HS1BP3: variants seen among roughly 807,000 people sequenced by gnomAD.
The protein encoded by HS1BP3 is HCLS1-binding protein 3.
Under a neutral mutation model 33.5 loss-of-function variants are expected in HS1BP3, and 32 were observed. The ratio of observed to expected loss-of-function variants is 0.95; its 90% confidence interval spans 0.72 to 1.28. HS1BP3 has a LOEUF of 1.28. HS1BP3 is among the 50% of genes most tolerant of loss of function. The pLI is 0.00. For synonymous variants in HS1BP3, 187 were observed against 209.2 expected, an observed-to-expected ratio of 0.89 and a Z score of 0.92; for missense variants, 486 against 502.3, an observed-to-expected ratio of 0.97 and a Z score of 0.31.
At chr2:20,612,991 C>A (rs1357269596), downstream of HS1BP3, among the ~76,000 whole-genome samples, 1 of 152,136 alleles carries the variant, frequency 6.6e-6, no homozygotes, top group Admixed American at 6.5e-5. Context: ...TACAAGCAGA[C>A]AGAGCCCAAT....
At chr2:20,624,667 C>G in intron 5 of HS1BP3, 65 bp downstream of exon 5, 2 of 1,490,460 alleles carry the variant, frequency 1.3e-6, no homozygotes, top group Non-Finnish European at 1.8e-6. Context: ...TGAGTCCAGA[C>G]CCTGCCTGGT....
intron 3 of HS1BP3, among the ~76,000 whole-genome samples, chr2:20,594,180 G>A (rs74990805): frequency 1.1e-3 from 174 of 152,374 alleles, no homozygotes; most frequent in Non-Finnish European, 2.2e-3. Context: ...TTCAATCCAG[G>A]CTTAACAGGA....
chr2:20,648,143 T>C (rs565470139), intron 1 of HS1BP3, among the ~76,000 whole-genome samples: 1 of 152,274 alleles, frequency 6.6e-6, no homozygotes, highest in East Asian at 1.9e-4. Flanking sequence ...TTTCGCACCA[T>C]CGATTTTCCT....
intron 6 of HS1BP3, chr2:20,622,370 G>A: frequency 7.8e-7 from 1 of 1,287,020 alleles, no homozygotes; most frequent in South Asian, 1.2e-5. Flanking sequence ...GCAGATGTCT[G>A]CTAAAGTGAA....
downstream of HS1BP3, among the ~76,000 whole-genome samples, chr2:20,559,668 A>G (rs1692937933): frequency 7.0e-6 from 1 of 142,614 alleles, no homozygotes; most frequent in Non-Finnish European, 1.5e-5. Flanking sequence ...GCATGGATGG[A>G]TGGGTGGATG....
intron 5 of HS1BP3, among the ~76,000 whole-genome samples, chr2:20,565,874 G>A (rs1471890756): frequency 6.6e-6 from 1 of 152,232 alleles, no homozygotes; most frequent in African/African-American, 2.4e-5. Context: ...AGTCAGGGCT[G>A]GAACTGGAAT....
At chr2:20,615,075 C>T (rs754113428), downstream of HS1BP3, among the ~76,000 whole-genome samples, 3 of 152,230 alleles carry the variant, frequency 2.0e-5, no homozygotes, top group Non-Finnish European at 4.4e-5. Flanking sequence ...TGGCCTGCCA[C>T]CTCCTGTTAG....
intron 5 of HS1BP3, among the ~76,000 whole-genome samples, chr2:20,575,069 C>T (rs78364431): frequency 4.6e-5 from 7 of 152,326 alleles, no homozygotes; most frequent in South Asian, 2.1e-4. Flanking sequence ...ACAACGTAAA[C>T]GTCTGGATGC....
intron 6 of HS1BP3, chr2:20,622,198 A>ACATT: frequency 7.7e-7 from 1 of 1,295,248 alleles, no homozygotes; most frequent in Admixed American, 2.4e-5. Context: ...GGCTATCAGA[A>ACATT]CATTCTTTAT....
chr2:20,596,216 T>C (rs1256400327), intron 3 of HS1BP3, among the ~76,000 whole-genome samples: 1 of 152,204 alleles, frequency 6.6e-6, no homozygotes, highest in Non-Finnish European at 1.5e-5. Flanking sequence ...CTTGGCCCTT[T>C]AGTATTTTGA....
chr2:20,597,465 C>T (rs1169553981), intron 3 of HS1BP3, among the ~76,000 whole-genome samples: 3 of 152,134 alleles, frequency 2.0e-5, no homozygotes, highest in Non-Finnish European at 4.4e-5. Context: ...TCACCTTCCA[C>T]GTTGGCGTTC....
At chr2:20,648,498 A>C (rs1695585855) in intron 1 of HS1BP3, among the ~76,000 whole-genome samples, 1 of 152,136 alleles carries the variant, frequency 6.6e-6, no homozygotes, top group Non-Finnish European at 1.5e-5. Flanking sequence ...CTCTGCCTTC[A>C]CTGGTGGCTG....
Position 20,624,833 on chromosome 2 carries a change from A to G in HS1BP3, c.683T>C (p.Leu228Pro). ...GTCCACCTCCTCGTCAAAGATGGTGAGCCGGGGCGAGGGCTTGGCTTTCAC... is the reference window on the plus strand; with the variant it reads ...GTCCACCTCCTCGTCAAAGATGGTGGGCCGGGGCGAGGGCTTGGCTTTCAC... ...VAVKAKPSPR[L>P]TIFDEEVDPD... The change falls in exon 5 of 7, where the codon CTC (leucine) becomes CCC (proline). Residue 228 changes from leucine to proline, a missense_variant. Coordinates refer to ENST00000304031, the MANE Select transcript of HS1BP3 (RefSeq NM_022460.4). 1 of 1,613,848 alleles carries G rather than the reference A, an allele frequency of 6.2e-7. No individual in the cohort carries two copies. Among genetic ancestry groups the G allele is most frequent in the Non-Finnish European group, 8.5e-7 (1 of 1,179,948 alleles).
intron 6 of HS1BP3, chr2:20,622,208 T>A (rs2149290734): frequency 2.3e-6 from 3 of 1,296,172 alleles, no homozygotes; most frequent in East Asian, 5.6e-5. Context: ...ACATTCTTTA[T>A]TATGAGGAAG....
At position 20,624,014 on chromosome 2, in the gene HS1BP3, C is replaced by T. The variant is rs1694691405; in HGVS notation, c.802G>A (p.Asp268Asn). The change falls in exon 6 of 7, where the codon GAT (aspartate) becomes AAT (asparagine). Residue 268 changes from aspartate to asparagine, a missense_variant. Asp to Asn is a conservative substitution (Grantham distance 23, BLOSUM62 1). Coordinates refer to ENST00000304031, the MANE Select transcript of HS1BP3 (RefSeq NM_022460.4). The part of the protein sequence containing the change: ...SSVDPLKLFD[D>N]PDLGGAIPLG... ...GGGATGGCCCCGCCGAGGTCAGGATCATCAAATAGCTTCAGGGCTGTGGGA... is the reference window on the plus strand; with the variant it reads ...GGGATGGCCCCGCCGAGGTCAGGATTATCAAATAGCTTCAGGGCTGTGGGA... 1 of 1,612,140 alleles carries T rather than the reference C, an allele frequency of 6.2e-7. No individual in the cohort carries two copies. Among genetic ancestry groups the T allele is most frequent in the Admixed American group, 1.7e-5 (1 of 59,952 alleles).
rs147445645 is a variant in HS1BP3, at chr2:20,612,797, C to T, written c.178+11099G>A. Among the ~76,000 whole-genome samples, 346 of 152,266 alleles carry T rather than the reference C, an allele frequency of 2.3e-3. 7 individuals are homozygous for T. The highest frequency in any genetic ancestry group is 3.0e-3 in the Non-Finnish European group (207 of 68,020). On this transcript the variant is annotated intron_variant, in intron 2 of 3. Coordinates refer to the HS1BP3 transcript ENST00000415264. ...ATCTGTGTACAAGCCTTTGACTGGA[C>T]ATATATTTCTCTTTCTCTTTAGGTA...
At chr2:20,570,655 A>C (rs1338919200) in intron 5 of HS1BP3, among the ~76,000 whole-genome samples, 1 of 152,226 alleles carries the variant, frequency 6.6e-6, no homozygotes, top group Non-Finnish European at 1.5e-5. Context: ...AGGCTGACAG[A>C]GCAAGAGGTG....
At chr2:20,597,515 A>T (rs1572320844) in intron 3 of HS1BP3, among the ~76,000 whole-genome samples, 1 of 152,256 alleles carries the variant, frequency 6.6e-6, no homozygotes, top group East Asian at 1.9e-4. Context: ...ATGAGAGGTG[A>T]TCAAACTGTG....
chr2:20,619,882 G>A (rs1313826508), intron 6 of HS1BP3, among the ~76,000 whole-genome samples: 2 of 152,230 alleles, frequency 1.3e-5, no homozygotes, highest in Non-Finnish European at 2.9e-5. Flanking sequence ...CCCGCCCACA[G>A]TGCCCCGCTG....
Sources: allele counts gnomAD v4.1 joint callset (sites outside exome capture counted in the v4.1 genomes callset), GRCh38; gene constraint gnomAD v4.1.1; transcripts MANE v1.5; gene names NCBI Gene and HGNC (gene_info 2026-07-23, HGNC 2026-07-21).